Variants in VSNL1 observed in about 807,000 individuals in gnomAD.
The protein encoded by VSNL1 is visinin like 1, also known as visinin-like protein 1.
VSNL1 carries 6 observed loss-of-function variants against 20.4 expected under a neutral mutation model. That is an observed-to-expected ratio of 0.29 (90% CI 0.16 to 0.58). The LOEUF (loss-of-function observed/expected upper bound fraction) is 0.58. Among genes scored for constraint, VSNL1 ranks in the 20% least tolerant of loss-of-function variants. The pLI is 0.90. For missense variants in VSNL1, 100 were observed against 234.5 expected (o/e 0.43, Z 3.75); for synonymous variants, 93 against 86.4 (o/e 1.08, Z -0.42).
chr2:17,587,588 G>C (rs16983679), intron 1 of VSNL1, among the ~76,000 whole-genome samples: 1,976 of 152,236 alleles, frequency 0.013, 23 homozygotes, highest in African/African-American at 0.032. Context: ...AAATGGATGA[G>C]AGATGAGCGA....
chr2:17,622,556 GAAAGAAAGAAAGAA>G (rs1362437938), intron 2 of VSNL1, among the ~76,000 whole-genome samples: 2 of 104,778 alleles, frequency 1.9e-5, no homozygotes, highest in African/African-American at 6.5e-5. Flanking sequence ...AAGAAAGAAA[GAAAGAAAGAAAGAA>G]AGAAAGAAAG....
intron 2 of VSNL1, among the ~76,000 whole-genome samples, chr2:17,606,678 G>C (rs527311086): frequency 6.6e-6 from 1 of 152,154 alleles, no homozygotes; most frequent in Non-Finnish European, 1.5e-5. Flanking sequence ...GCCAGAGAGA[G>C]GGGGCTTGAT....
At chr2:17,550,673 C>G (rs893943641) in intron 1 of VSNL1, among the ~76,000 whole-genome samples, 2 of 152,176 alleles carry the variant, frequency 1.3e-5, no homozygotes, top group Non-Finnish European at 2.9e-5. Context: ...GTAAGACCAA[C>G]AGGAGAAACT....
At chr2:17,572,990 G>A (rs1368618044) in intron 1 of VSNL1, among the ~76,000 whole-genome samples, 1 of 152,096 alleles carries the variant, frequency 6.6e-6, no homozygotes, top group East Asian at 1.9e-4. Flanking sequence ...TTAAATACTG[G>A]ACATATAAAA....
chr2:17,557,022 C>CT (rs748409264), intron 1 of VSNL1, among the ~76,000 whole-genome samples: 19 of 151,060 alleles, frequency 1.3e-4, no homozygotes, highest in South Asian at 4.2e-4. Context: ...GAAGAGATGG[C>CT]TTTTTTTTTA....
At chr2:17,581,153 T>C (rs2103365358) in intron 1 of VSNL1, among the ~76,000 whole-genome samples, 1 of 152,356 alleles carries the variant, frequency 6.6e-6, no homozygotes, top group African/African-American at 2.4e-5. Flanking sequence ...AAGTGCTGCT[T>C]ATGTTAATCG....
Position 17,585,807 on chromosome 2 carries a change from TC to T in VSNL1, c.-5-6262del, listed in dbSNP as rs200326364. Among the ~76,000 whole-genome samples the T allele has an allele frequency of 3.2e-4, 48 of 151,118 alleles. 1 individual carries two copies. The highest frequency in any genetic ancestry group is 8.5e-4 in the Admixed American group (13 of 15,232). Reference sequence around the variant, plus strand: ...TTGTGTGATCTTGGAATTCTTTTTTTCTTTTTTTTTTTTTTGAGGCAGAGTT... The same window carrying T: ...TTGTGTGATCTTGGAATTCTTTTTTTTTTTTTTTTTTTTTGAGGCAGAGTT... On this transcript the variant is annotated intron_variant, in intron 1 of 3. Coordinates refer to ENST00000295156, the MANE Select transcript of VSNL1 (RefSeq NM_003385.5).
At chr2:17,648,158 G>C (rs1666039442) in intron 2 of VSNL1, among the ~76,000 whole-genome samples, 1 of 152,158 alleles carries the variant, frequency 6.6e-6, no homozygotes, top group African/African-American at 2.4e-5. Flanking sequence ...ATAAGTAATG[G>C]GTACTTTCCT....
intron 2 of VSNL1, among the ~76,000 whole-genome samples, chr2:17,641,373 C>G (rs1460864104): frequency 6.6e-6 from 1 of 152,220 alleles, no homozygotes; most frequent in Non-Finnish European, 1.5e-5. Flanking sequence ...GTTTCAAATT[C>G]AGTGCCATTT....
intron 1 of VSNL1, among the ~76,000 whole-genome samples, chr2:17,576,670 A>AT (rs1664223103): frequency 6.6e-6 from 1 of 151,920 alleles, no homozygotes; most frequent in Non-Finnish European, 1.5e-5. Context: ...CCATGTTGTT[A>AT]TTTTTACTTT....
chr2:17,581,258 T>A (rs1664343110), intron 1 of VSNL1, among the ~76,000 whole-genome samples: 1 of 152,194 alleles, frequency 6.6e-6, no homozygotes, highest in Non-Finnish European at 1.5e-5. Flanking sequence ...TTTGCTATGC[T>A]CCCATTCCCT....
intron 1 of VSNL1, among the ~76,000 whole-genome samples, chr2:17,552,322 A>T (rs1407453280): frequency 6.6e-6 from 1 of 152,138 alleles, no homozygotes; most frequent in African/African-American, 2.4e-5. Flanking sequence ...TCATTTTATG[A>T]CTGAGAAATT....
At chr2:17,545,280 T>C (rs1663381314) in intron 1 of VSNL1, among the ~76,000 whole-genome samples, 1 of 152,094 alleles carries the variant, frequency 6.6e-6, no homozygotes, top group Non-Finnish European at 1.5e-5. Flanking sequence ...TAAAAATTAT[T>C]TTATACTTGA....
intron 2 of VSNL1, among the ~76,000 whole-genome samples, chr2:17,627,209 G>A (rs892664585): frequency 5.3e-5 from 8 of 152,210 alleles, no homozygotes; most frequent in Non-Finnish European, 1.2e-4. Context: ...TCATTTGCAT[G>A]CATAGCAATC....
chr2:17,612,107 T>TA (rs1199289771), intron 2 of VSNL1, among the ~76,000 whole-genome samples: 3 of 152,204 alleles, frequency 2.0e-5, no homozygotes, highest in Non-Finnish European at 2.9e-5. Context: ...TGCCTATGCA[T>TA]ACCGTGAGAA....
intron 1 of VSNL1, among the ~76,000 whole-genome samples, chr2:17,576,854 C>G (rs1256518411): frequency 6.6e-6 from 1 of 152,176 alleles, no homozygotes; most frequent in Non-Finnish European, 1.5e-5. Flanking sequence ...TCTATTCATA[C>G]TCTTTAATCA....
intron 1 of VSNL1, among the ~76,000 whole-genome samples, chr2:17,559,899 G>C (rs557327147): frequency 1.3e-5 from 2 of 151,958 alleles, no homozygotes; most frequent in African/African-American, 4.8e-5. Flanking sequence ...AGATTAAACT[G>C]ACATCTTTTG....
rs140767543 is a variant in VSNL1 at position 17,597,237 on chromosome 2, C to A, written c.162+5001C>A. Among the ~76,000 whole-genome samples, 630 of 152,332 alleles carry A rather than the reference C, an allele frequency of 4.1e-3. 6 individuals are homozygous for A. Among genetic ancestry groups the A allele is most frequent in the African/African-American group, 0.014 (584 of 41,582 alleles). ...TGTCCCCTAAGCACAAACCCTTCCC[C>A]AGCTCCCGCTGCCAGATAGGATGAA... On this transcript the variant is annotated intron_variant, in intron 2 of 3. Coordinates refer to ENST00000295156, the MANE Select transcript of VSNL1 (RefSeq NM_003385.5).
At chr2:17,615,888 A>G (rs572214751) in intron 2 of VSNL1, among the ~76,000 whole-genome samples, 2 of 152,360 alleles carry the variant, frequency 1.3e-5, no homozygotes, top group South Asian at 2.1e-4. Flanking sequence ...GGCCTAAACT[A>G]TACCACTTGG....
Sources: allele counts gnomAD v4.1 joint callset (sites outside exome capture counted in the v4.1 genomes callset), GRCh38; gene constraint gnomAD v4.1.1; transcripts MANE v1.5; gene names NCBI Gene and HGNC (gene_info 2026-07-23, HGNC 2026-07-21).